The following FNDC3B variants were observed in gnomAD, a reference collection of about 807,000 sequenced individuals.
FNDC3B encodes fibronectin type III domain containing 3B.
FNDC3B carries 12 observed loss-of-function variants against 151.5 expected under a neutral mutation model. That is an observed-to-expected ratio of 0.08 (90% CI 0.05 to 0.13). FNDC3B has a LOEUF of 0.13. FNDC3B is among the 10% of genes least tolerant of loss of function. The probability of loss-of-function intolerance (pLI) is 1.00; values close to 1 mark genes in which losing one functional copy is unlikely to be tolerated. For synonymous variants in FNDC3B, 528 were observed against 549.0 expected (o/e 0.96, Z 0.54); for missense variants, 1,214 against 1,505.3 (o/e 0.81, Z 3.20).
At chr3:172,302,127 T>C (rs1208499385) in intron 9 of FNDC3B, 1 of 152,242 alleles carries the variant, frequency 6.6e-6, no homozygotes. Flanking sequence ...CTACTCTGAG[T>C]CTATCTTATT....
chr3:172,293,619 G>A (rs1364653188), intron 7 of FNDC3B, among the ~76,000 whole-genome samples: 2 of 152,208 alleles, frequency 1.3e-5, no homozygotes, highest in Non-Finnish European at 2.9e-5. Context: ...TGTAGAACAT[G>A]GAGGAGTGAC....
At chr3:172,327,502 G>A (rs750079064) in intron 11 of FNDC3B, among the ~76,000 whole-genome samples, 8 of 152,130 alleles carry the variant, frequency 5.3e-5, no homozygotes, top group Non-Finnish European at 7.4e-5. Context: ...CCAGGTTCAC[G>A]CCATTCTCCC....
chr3:172,089,290 G>A (rs1718695383), intron 1 of FNDC3B, among the ~76,000 whole-genome samples: 2 of 152,108 alleles, frequency 1.3e-5, no homozygotes, highest in African/African-American at 4.8e-5. Flanking sequence ...TAAAATGTGT[G>A]TTATAGGGGT....
intron 3 of FNDC3B, among the ~76,000 whole-genome samples, chr3:172,170,236 C>T (rs1723220531): frequency 6.6e-6 from 1 of 152,234 alleles, no homozygotes; most frequent in African/African-American, 2.4e-5. Context: ...CTGGCAGTAT[C>T]TCCTCTGTTA....
intron 1 of FNDC3B, among the ~76,000 whole-genome samples, chr3:172,099,199 G>T (rs1719249314): frequency 6.6e-6 from 1 of 152,130 alleles, no homozygotes; most frequent in Non-Finnish European, 1.5e-5. Flanking sequence ...TTGCTAATTT[G>T]TTGCTCTAGG....
intron 2 of FNDC3B, among the ~76,000 whole-genome samples, chr3:172,121,274 T>A (rs1344397241): frequency 6.6e-6 from 1 of 152,228 alleles, no homozygotes; most frequent in Non-Finnish European, 1.5e-5. Context: ...AAACTGATAA[T>A]GTGTTTTAAA....
chr3:172,186,639 A>G, intron 3 of FNDC3B: 1 of 673,166 alleles, frequency 1.5e-6, no homozygotes, highest in Non-Finnish European at 2.7e-6. Context: ...AATGAAGAAA[A>G]TGGCAAGAAA....
chr3:172,333,226 T>A (rs1411540115), intron 14 of FNDC3B, 51 bp downstream of exon 14: 1 of 1,140,060 alleles, frequency 8.8e-7, no homozygotes, highest in African/African-American at 1.5e-5. Flanking sequence ...AACTGTTTTC[T>A]ATTTCACCAT....
intron 3 of FNDC3B, among the ~76,000 whole-genome samples, chr3:172,210,569 T>G (rs1230881435): frequency 6.6e-6 from 1 of 152,130 alleles, no homozygotes; most frequent in African/African-American, 2.4e-5. Context: ...TTGCCCACGC[T>G]GTTCTCAAAC....
At chr3:172,085,578 G>C (rs1169145018) in intron 1 of FNDC3B, among the ~76,000 whole-genome samples, 1 of 152,154 alleles carries the variant, frequency 6.6e-6, no homozygotes, top group Non-Finnish European at 1.5e-5. Flanking sequence ...GGAAATAAAG[G>C]AAAGGTCAAC....
intron 3 of FNDC3B, among the ~76,000 whole-genome samples, chr3:172,175,769 C>T (rs1401541789): frequency 2.0e-5 from 3 of 152,124 alleles, no homozygotes; most frequent in South Asian, 2.1e-4. Context: ...CCTTGTACCG[C>T]GTTGGAGAAG....
chr3:172,326,567 A>G (rs529150290), intron 11 of FNDC3B, among the ~76,000 whole-genome samples: 9 of 152,238 alleles, frequency 5.9e-5, no homozygotes, highest in African/African-American at 2.2e-4. Context: ...CCCAGGCTGG[A>G]GTGCACTGGC....
chr3:172,372,791 T>G (rs1428327659), intron 23 of FNDC3B, among the ~76,000 whole-genome samples: 2 of 152,186 alleles, frequency 1.3e-5, no homozygotes, highest in Non-Finnish European at 2.9e-5. Context: ...GGCCATTGGA[T>G]AATGCCATAT....
At chr3:172,173,926 C>T (rs549213350) in intron 3 of FNDC3B, among the ~76,000 whole-genome samples, 2 of 152,302 alleles carry the variant, frequency 1.3e-5, no homozygotes, top group African/African-American at 4.8e-5. Flanking sequence ...GCCAGTGAAA[C>T]TCATTCAGTG....
At chr3:172,182,877 C>CT (rs1723987876) in intron 3 of FNDC3B, among the ~76,000 whole-genome samples, 1 of 152,186 alleles carries the variant, frequency 6.6e-6, no homozygotes, top group Admixed American at 6.5e-5. Flanking sequence ...AAAAGGAACT[C>CT]TGAGTGTAGG....
chr3:172,093,885 A>T (rs1387490262), intron 1 of FNDC3B, among the ~76,000 whole-genome samples: 1 of 152,130 alleles, frequency 6.6e-6, no homozygotes, highest in African/African-American at 2.4e-5. Context: ...AGAACTGAGG[A>T]CTCTGGATTT....
chr3:172,344,606 A>G (rs1163833499), intron 19 of FNDC3B, among the ~76,000 whole-genome samples: 2 of 152,218 alleles, frequency 1.3e-5, no homozygotes, highest in African/African-American at 2.4e-5. Context: ...AATAGTTCTA[A>G]TAAAAGTTTT....
At chr3:172,238,922 T>A (rs1223534180) in intron 4 of FNDC3B, among the ~76,000 whole-genome samples, 1 of 152,232 alleles carries the variant, frequency 6.6e-6, no homozygotes, top group Non-Finnish European at 1.5e-5. Context: ...GATATAAAAT[T>A]AACTGGATTC....
intron 4 of FNDC3B, among the ~76,000 whole-genome samples, chr3:172,228,890 A>C (rs1726729304): frequency 2.0e-5 from 3 of 152,166 alleles, no homozygotes; most frequent in Admixed American, 2.0e-4. Context: ...TATCTGAAAA[A>C]GATTGTTAAT....
Sources: allele counts gnomAD v4.1 joint callset (sites outside exome capture counted in the v4.1 genomes callset), GRCh38; gene constraint gnomAD v4.1.1; transcripts MANE v1.5; gene names NCBI Gene and HGNC (gene_info 2026-07-23, HGNC 2026-07-21).